The following SATB1 variants were observed in gnomAD, a reference collection of about 807,000 sequenced individuals.
SATB1 encodes DNA-binding protein SATB1.
SATB1 carries 11 observed loss-of-function variants against 86.9 expected under a neutral mutation model. The observed-to-expected ratio is 0.13, with a 90% CI of 0.08 to 0.21. The LOEUF (loss-of-function observed/expected upper bound fraction) is 0.21. SATB1 is among the 10% of genes least tolerant of loss of function. SATB1 has a pLI of 1.00. For synonymous variants in SATB1, 357 were observed against 357.2 expected, an observed-to-expected ratio of 1.00 and a Z score of 0.01; for missense variants, 551 against 937.6, an observed-to-expected ratio of 0.59 and a Z score of 5.39.
At chr3:18,359,704 C>A (rs549614722) in intron 9 of SATB1, among the ~76,000 whole-genome samples, 1 of 151,708 alleles carries the variant, frequency 6.6e-6, no homozygotes, top group African/African-American at 2.4e-5. Context: ...TTTGACATTA[C>A]ATAAATTTCA....
chr3:18,370,543 A>AAAAAAAAAG (rs1695427449), intron 9 of SATB1, among the ~76,000 whole-genome samples: 1 of 149,122 alleles, frequency 6.7e-6, no homozygotes, highest in Non-Finnish European at 1.5e-5. Context: ...AAAAGAGGAA[A>AAAAAAAAAG]AACAAAAAAG....
intron 10 of SATB1, chr3:18,351,245 G>T: frequency 7.6e-7 from 1 of 1,319,670 alleles, no homozygotes; most frequent in African/African-American, 1.4e-5. Context: ...ATCCTGACCT[G>T]GGGAGCAGGT....
At chr3:18,406,124 A>T (rs562361551) in intron 5 of SATB1, among the ~76,000 whole-genome samples, 3 of 152,042 alleles carry the variant, frequency 2.0e-5, no homozygotes, top group Non-Finnish European at 4.4e-5. Context: ...GAAAGTGGAC[A>T]AACCAAGTCC....
intron 9 of SATB1, among the ~76,000 whole-genome samples, chr3:18,361,428 G>A (rs1182830974): frequency 6.6e-6 from 1 of 152,072 alleles, no homozygotes; most frequent in African/African-American, 2.4e-5. Flanking sequence ...TATCACACAA[G>A]GGATTTGAAT....
chr3:18,356,096 A>G (rs941910994), intron 9 of SATB1, among the ~76,000 whole-genome samples: 29 of 151,990 alleles, frequency 1.9e-4, no homozygotes, highest in African/African-American at 4.6e-4. Flanking sequence ...ATTACTTAAA[A>G]AAAACTGGCA....
Position 18,386,552 on chromosome 3 carries a change from C to T in SATB1, c.1266G>A (p.Leu422=). The T allele has an allele frequency of 1.2e-6, 2 of 1,614,108 alleles. No individual in the cohort carries two copies. The highest frequency in any genetic ancestry group is 1.7e-6 in the Non-Finnish European group (2 of 1,179,994). The stretch of plus-strand genomic sequence containing the variant: ...TCTGCATAGCCCGAAGGTTTACCAG[C>T]AAAGACTGGGATGCAGTCTTGGGGT... ...EEDPKTASQS[L]LVNLRAMQNF... Residue 422 remains leucine (L), a synonymous_variant, in exon 8 of 11, where the codon TTG becomes TTA. Transcript: ENST00000338745. This position sits in a 1 kb window ranked among gnomAD's most constrained non-coding sequence, Gnocchi z 4.5.
At chr3:18,414,903 C>T in intron 5 of SATB1, 2 of 508,754 alleles carry the variant, frequency 3.9e-6, no homozygotes, top group East Asian at 3.3e-5. Flanking sequence ...CAGTCCTTTG[C>T]CTCTTTTCCC....
chr3:18,381,773 T>C (rs1264213781), intron 8 of SATB1, among the ~76,000 whole-genome samples: 1 of 152,174 alleles, frequency 6.6e-6, no homozygotes, highest in Non-Finnish European at 1.5e-5. Flanking sequence ...TTATATTTTC[T>C]TATTAATGAA....
intron 1 of SATB1, chr3:18,445,257 G>C (rs1041780882): frequency 1.3e-5 from 13 of 982,656 alleles, no homozygotes; most frequent in African/African-American, 1.8e-5. Flanking sequence ...GCGACACTAG[G>C]CGCACTGAAG....
At chr3:18,365,425 G>A (rs1231459634) in intron 9 of SATB1, among the ~76,000 whole-genome samples, 1 of 152,016 alleles carries the variant, frequency 6.6e-6, no homozygotes, top group Non-Finnish European at 1.5e-5. Context: ...GAATGGAAGA[G>A]TGGCACAAGC....
Position 18,394,930 on chromosome 3 carries a change from A to T in SATB1, c.752-14T>A. ...TATCCATTTCAACTAAAGTGGACAA[A>T]GAGTAAAATCACATTCAGCCAACAA... On this transcript the variant is annotated splice_polypyrimidine_tract_variant and intron_variant, in intron 6 of 10. Transcript: ENST00000338745. The surrounding 1 kb of genome is among the most constrained non-coding windows in gnomAD (Gnocchi z 5.9). 1 of 1,542,568 alleles carries T rather than the reference A, an allele frequency of 6.5e-7. No individual in the cohort carries two copies. Among genetic ancestry groups the T allele is most frequent in the Non-Finnish European group, 8.7e-7 (1 of 1,143,194 alleles).
chr3:18,352,379 CTCTG>C lies in SATB1; in HGVS notation c.1576-188_1576-185del. The C allele has an allele frequency of 1.8e-6, 1 of 571,084 alleles. No homozygotes were observed. The highest frequency in any genetic ancestry group is 3.1e-6 in the Non-Finnish European group (1 of 322,146). The allele number at this position is 571,084 out of a possible 1,614,324, so 35.4% of individuals were successfully genotyped here. A position where few individuals can be genotyped will look rare whatever the true frequency, so the allele number is the denominator to read the frequency against. The stretch of plus-strand genomic sequence containing the variant: ...TATCTGTGGCTGTCAAGGAGGCAGA[CTCTG>C]TTTCTAATCAAAGTTCAGATTTGCA... On this transcript the variant is annotated intron_variant, in intron 9 of 10. Transcript: ENST00000338745. The surrounding 1 kb of genome is among the most constrained non-coding windows in gnomAD (Gnocchi z 4.1).
Position 18,394,664 on chromosome 3 carries a change from C to G in SATB1, c.1004G>C (p.Arg335Thr), listed in dbSNP as rs770132635. 6.2e-7 allele frequency: 1 copy of G among 1,614,148 alleles called. No homozygotes were observed. The highest frequency in any genetic ancestry group is 8.5e-7 in the Non-Finnish European group (1 of 1,180,034). ...QLLNQQYAVNRLLAQQSLNQQ... is the reference protein window; with the variant it reads ...QLLNQQYAVNTLLAQQSLNQQ... ...GTTTAAGGACTGCTGGGCTAAAAGT[C>G]TATTCACTGCATACTGCTGGTTCAG... The change falls in exon 7 of 11, where the codon AGA becomes ACA. Residue 335 changes from arginine to threonine, a missense_variant. This residue lies in a region of SATB1 where 119 missense variants were observed against 171.1 expected (regional missense o/e 0.70). Transcript: ENST00000338745. The surrounding 1 kb of genome is among the most constrained non-coding windows in gnomAD (Gnocchi z 5.9).
intron 8 of SATB1, among the ~76,000 whole-genome samples, chr3:18,380,106 G>A (rs981911035): frequency 6.6e-6 from 1 of 152,134 alleles, no homozygotes; most frequent in Non-Finnish European, 1.5e-5. Context: ...GAGGCAGAGG[G>A]ATAGATTTGA....
At chr3:18,367,146 T>A (rs1414095357) in intron 9 of SATB1, among the ~76,000 whole-genome samples, 1 of 152,210 alleles carries the variant, frequency 6.6e-6, no homozygotes, top group Non-Finnish European at 1.5e-5. Flanking sequence ...GGACTACCAC[T>A]CTTTGCAGTT....
At position 18,349,127 on chromosome 3, in the gene SATB1, G is replaced by C; in HGVS notation, c.*43C>G. ...ACAAGGTGGACTTTTCATTTTGTTAGTAAATACCAGTGGCACTGTTGAACG... is the reference window on the plus strand; with the variant it reads ...ACAAGGTGGACTTTTCATTTTGTTACTAAATACCAGTGGCACTGTTGAACG... On this transcript the variant is annotated 3_prime_UTR_variant, in exon 11 of 11. Coordinates refer to ENST00000338745, the MANE Select transcript of SATB1 (RefSeq NM_002971.6). The surrounding 1 kb of genome is among the most constrained non-coding windows in gnomAD (Gnocchi z 5.5). The C allele has an allele frequency of 6.3e-7, 1 of 1,582,822 alleles. No individual in the cohort carries two copies. The highest frequency in any genetic ancestry group is 8.6e-7 in the Non-Finnish European group (1 of 1,163,830).
At chr3:18,399,404 A>G (rs2125125412) in intron 5 of SATB1, among the ~76,000 whole-genome samples, 1 of 152,302 alleles carries the variant, frequency 6.6e-6, no homozygotes, top group African/African-American at 2.4e-5. Context: ...ATGTAAATAG[A>G]TCATCTCAAT....
intron 9 of SATB1, among the ~76,000 whole-genome samples, chr3:18,363,491 T>C (rs1025712460): frequency 1.3e-5 from 2 of 152,098 alleles, no homozygotes; most frequent in South Asian, 4.1e-4. Flanking sequence ...GCACAGACTG[T>C]CTCAATCACT....
chr3:18,393,426 G>C (rs1696796466), intron 7 of SATB1, among the ~76,000 whole-genome samples: 1 of 151,968 alleles, frequency 6.6e-6, no homozygotes, highest in South Asian at 2.1e-4. Flanking sequence ...TCCAAACAAA[G>C]AAAAAAATTC....
Sources: gnomAD v4.1 joint callset for allele counts (sites outside exome capture counted in the v4.1 genomes callset) on GRCh38, gnomAD v4.1.1 for gene constraint, gnomAD v4.1.1 regional missense constraint, Gnocchi (gnomAD v3.1) non-coding constraint, MANE v1.5 for transcripts, NCBI Gene and HGNC (gene_info 2026-07-23, HGNC 2026-07-21) for gene names.